The following NPIPB2 variants were observed in gnomAD, a reference collection of about 807,000 sequenced individuals.
NPIPB2 encodes nuclear pore complex interacting protein family member B2.
Under a neutral mutation model 30.8 loss-of-function variants are expected in NPIPB2, and 27 were observed. The ratio of observed to expected loss-of-function variants is 0.88; its 90% CI spans 0.65 to 1.21. NPIPB2 has a LOEUF of 1.21. NPIPB2 is among the 50% of genes most tolerant of loss of function. The probability of loss-of-function intolerance (pLI) is 0.00; values close to 1 mark genes in which losing one functional copy is unlikely to be tolerated. For missense variants in NPIPB2, 440 were observed against 446.2 expected (o/e 0.99, Z 0.13); for synonymous variants, 147 against 162.0 (o/e 0.91, Z 0.70).
chr16:11,951,478 G>A (rs2662828), intron 1 of NPIPB2, among the ~76,000 whole-genome samples: 119,459 of 122,714 alleles, frequency 0.97, 58,373 homozygotes, highest in East Asian at 1. Flanking sequence ...AAAAAAAAAA[G>A]AAAGAAAAGA....
At chr16:11,947,320 A>T (rs868790420) in intron 1 of NPIPB2, among the ~76,000 whole-genome samples, 1 of 58,672 alleles carries the variant, frequency 1.7e-5, no homozygotes, top group African/African-American at 4.1e-5. Context: ...TTATTTATTT[A>T]TTTATATATA....
upstream of NPIPB2, among the ~76,000 whole-genome samples, chr16:11,946,385 CAAAAAAAAAAA>C (rs34318693): frequency 2.9e-5 from 2 of 70,106 alleles, no homozygotes; most frequent in Non-Finnish European, 5.2e-5. Context: ...AACTCTATCT[CAAAAAAAAAAA>C]AAAAAAAAAA....
intron 1 of NPIPB2, among the ~76,000 whole-genome samples, chr16:11,938,318 T>TTTTTTG (rs940605912): frequency 2.8e-5 from 4 of 141,982 alleles, no homozygotes; most frequent in Admixed American, 1.4e-4. Flanking sequence ...GCCCGGCCAT[T>TTTTTTG]TTTTTGTTTT....
chr16:11,958,135 GA>G (rs2055125804), intron 1 of NPIPB2, among the ~76,000 whole-genome samples: 1 of 152,110 alleles, frequency 6.6e-6, no homozygotes, highest in South Asian at 2.1e-4. Context: ...AGTACACAGT[GA>G]AAATGCTGGC....
chr16:11,946,779 G>A (rs1015417224), upstream of NPIPB2, among the ~76,000 whole-genome samples: 6 of 152,048 alleles, frequency 3.9e-5, no homozygotes, highest in African/African-American at 7.2e-5. Context: ...AATCTTATTC[G>A]TAGGTATCTC....
intron 1 of NPIPB2, among the ~76,000 whole-genome samples, chr16:11,952,164 C>A (rs184279308): frequency 0.015 from 806 of 53,802 alleles, 10 homozygotes; most frequent in African/African-American, 0.045. Context: ...AAAAAAAAAA[C>A]AAAAACAAAA....
At chr16:11,942,027 A>T (rs1318574183) in exon 1 of NPIPB2, 1 of 1,353,502 alleles carries the variant, frequency 7.4e-7, no homozygotes, top group Non-Finnish European at 1.0e-6. Context: ...AGCCATTCAT[A>T]TCCTAAGCAA....
chr16:11,960,147 C>A (rs1056313754), intron 1 of NPIPB2, among the ~76,000 whole-genome samples: 2 of 152,054 alleles, frequency 1.3e-5, no homozygotes, highest in African/African-American at 2.4e-5. Context: ...TTCTGATGGC[C>A]ATAGTCTTCC....
chr16:11,942,383 A>G (rs1431866553), upstream of NPIPB2, among the ~76,000 whole-genome samples: 3 of 149,930 alleles, frequency 2.0e-5, no homozygotes, highest in Non-Finnish European at 4.5e-5. Flanking sequence ...TTTCAACTCA[A>G]TGATGAGATC....
chr16:11,976,586 G>T (rs1048971453), exon 1 of NPIPB2: 9 of 361,830 alleles, frequency 2.5e-5, no homozygotes, highest in Non-Finnish European at 3.9e-5. Context: ...TCCAGCCCGC[G>T]TAGCCTCAGC....
chr16:11,947,322 T>TTATTTATTTATTTATA lies in NPIPB2; in HGVS notation c.-583-5209_-583-5208insTATAAATAAATAAATA, dbSNP rs144577397. 2.5e-3 allele frequency among the ~76,000 whole-genome samples: 304 copies of TTATTTATTTATTTATA among 119,942 alleles called. 3 individuals are homozygous for TTATTTATTTATTTATA. The highest frequency in any genetic ancestry group is 0.018 in the South Asian group (78 of 4,242). 78.7% of individuals were successfully genotyped at this position (119,942 alleles called of 152,430 possible). ...TTTATTTATTTATTTATTTATTTAT[T>TTATTTATTTATTTATA]TATATATATATATATTTATTTATTT... is the stretch of plus-strand genomic sequence containing the variant. On this transcript the variant is annotated intron_variant, in intron 1 of 5. Coordinates refer to the NPIPB2 transcript ENST00000538896.
intron 5 of NPIPB2, 39 bp downstream of exon 5, chr16:11,930,411 G>A: frequency 6.6e-7 from 1 of 1,512,166 alleles, no homozygotes; most frequent in Non-Finnish European, 8.9e-7. Context: ...ACTCCAATGG[G>A]CGTTTCCCAA....
chr16:11,961,505 C>T (rs373465744), intron 1 of NPIPB2, among the ~76,000 whole-genome samples: 10 of 152,100 alleles, frequency 6.6e-5, no homozygotes, highest in Non-Finnish European at 1.0e-4. Context: ...AGAGGCCAGG[C>T]GCAGTGGCTC....
At chr16:11,970,212 CATTT>C (rs1003812386) in intron 1 of NPIPB2, among the ~76,000 whole-genome samples, 1 of 151,046 alleles carries the variant, frequency 6.6e-6, no homozygotes, top group Non-Finnish European at 1.5e-5. Flanking sequence ...TATTTTTATT[CATTT>C]ATTTATTTAT....
rs1177520214 is a variant in NPIPB2, at chr16:11,968,321, A to G, written c.-584+8247T>C. ...GTGAAACCCTGTCTTTACTAAAAATACAAAAATTAGCTGGGCATGGTGGTA... is the reference window on the plus strand; with the variant it reads ...GTGAAACCCTGTCTTTACTAAAAATGCAAAAATTAGCTGGGCATGGTGGTA... On this transcript the variant is annotated intron_variant, in intron 1 of 5. Coordinates refer to the NPIPB2 transcript ENST00000538896. Among the ~76,000 whole-genome samples the G allele has an allele frequency of 2.6e-5, 4 of 152,150 alleles. No individual in the cohort carries two copies. In the East Asian group the frequency reaches 5.8e-4, roughly 22 times the overall value.
At chr16:11,964,857 G>T (rs1230383182) in intron 1 of NPIPB2, among the ~76,000 whole-genome samples, 1 of 152,176 alleles carries the variant, frequency 6.6e-6, no homozygotes, top group Non-Finnish European at 1.5e-5. Flanking sequence ...AACCCCTGCA[G>T]CTGGCCTCAA....
intron 1 of NPIPB2, among the ~76,000 whole-genome samples, chr16:11,951,007 T>C (rs1389868298): frequency 3.9e-5 from 6 of 152,170 alleles, no homozygotes; most frequent in African/African-American, 1.2e-4. Context: ...TTTATTGTTC[T>C]TTAAAAGGAT....
At chr16:11,973,549 A>G (rs1487487315) in intron 1 of NPIPB2, among the ~76,000 whole-genome samples, 1 of 152,138 alleles carries the variant, frequency 6.6e-6, no homozygotes, top group Non-Finnish European at 1.5e-5. Flanking sequence ...CCCTCAACAG[A>G]GTTCAGCAGC....
chr16:11,965,078 A>ATATTT, intron 1 of NPIPB2: 1 of 531,758 alleles, frequency 1.9e-6, no homozygotes, highest in Non-Finnish European at 3.3e-6. Flanking sequence ...ATATGCCCTG[A>ATATTT]TATTTACACC....
Sources: allele counts gnomAD v4.1 joint callset (sites outside exome capture counted in the v4.1 genomes callset), GRCh38; gene constraint gnomAD v4.1.1; transcripts MANE v1.5; gene names NCBI Gene and HGNC (gene_info 2026-07-23, HGNC 2026-07-21).